Variants in EXD3 observed in about 807,000 individuals in gnomAD.
EXD3 encodes exonuclease 3'-5' domain containing 3.
EXD3 carries 92 observed loss-of-function variants against 98.0 expected under a neutral mutation model. The observed-to-expected ratio is 0.94, with a 90% CI of 0.79 to 1.12. The LOEUF (loss-of-function observed/expected upper bound fraction) is 1.12, where lower values mean the gene tolerates loss of function less well. Among genes scored for constraint, EXD3 ranks in the 50% most tolerant of loss-of-function variants. EXD3 has a pLI of 0.00. For synonymous variants in EXD3, 569 were observed against 526.0 expected (o/e 1.08, Z -1.12); for missense variants, 1,222 against 1,191.6 (o/e 1.03, Z -0.38).
In EXD3 at chr9:137,314,304, G is replaced by A. The variant is rs74328361; in HGVS notation, c.2185-4604C>T. On this transcript the variant is annotated intron_variant, in intron 19 of 21. Coordinates refer to ENST00000340951, the MANE Select transcript of EXD3 (RefSeq NM_017820.5). ...ACACTGTCCCCTGCTGTGGCACTGT[G>A]AGCCTCTTCAGAGAGAAGGGAGTTG... 7.0e-3 allele frequency among the ~76,000 whole-genome samples: 1,064 copies of A among 152,318 alleles called. 7 individuals are homozygous for A. The highest frequency in any genetic ancestry group is 0.012 in the Non-Finnish European group (821 of 68,020).
intron 7 of EXD3, among the ~76,000 whole-genome samples, chr9:137,364,752 T>C (rs1174747790): frequency 6.6e-6 from 1 of 150,494 alleles, no homozygotes; most frequent in Non-Finnish European, 1.5e-5. Context: ...CATCAATGCA[T>C]TCACTGTTTT....
Position 137,349,248 on chromosome 9 carries a change from T to C in EXD3, c.1692A>G (p.Gln564=). The change falls in exon 16 of 22, where the codon CAA becomes CAG. Residue 564 remains glutamine, a synonymous_variant. Transcript: ENST00000340951. This position sits in a 1 kb window ranked among gnomAD's most constrained non-coding sequence, Gnocchi z 7.4. ...ADAYCLLEVH[Q]ALCREPARFH... is the part of the protein sequence containing the mutation. ...AGCGGGCGGGCTCTCTGCACAGGGCTTGGTGCACCTCCAGCAGGCAGTAGG... is the reference window on the plus strand; with the variant it reads ...AGCGGGCGGGCTCTCTGCACAGGGCCTGGTGCACCTCCAGCAGGCAGTAGG... 6.4e-7 allele frequency: 1 copy of C among 1,573,888 alleles called. No homozygotes were observed. Among genetic ancestry groups the C allele is most frequent in the Non-Finnish European group, 8.6e-7 (1 of 1,166,822 alleles).
At chr9:137,372,226 GA>G (rs945839627) in intron 5 of EXD3, among the ~76,000 whole-genome samples, 75 of 152,336 alleles carry the variant, frequency 4.9e-4, no homozygotes, top group African/African-American at 1.8e-3. Context: ...TGAAGGGTTG[GA>G]TACTGATCCG....
chr9:137,402,716 C>A (rs1466536988), intron 1 of EXD3, among the ~76,000 whole-genome samples: 1 of 152,176 alleles, frequency 6.6e-6, no homozygotes, highest in Admixed American at 6.5e-5. Flanking sequence ...AGCAATACCC[C>A]ACTCCACTGG....
At chr9:137,366,761 T>G in intron 6 of EXD3, 129 bp from the exon 7 acceptor site, 1 of 1,216,564 alleles carries the variant, frequency 8.2e-7, no homozygotes, top group South Asian at 1.6e-5. Context: ...GGCCCAGCAG[T>G]GCTCGCCCGG....
intron 1 of EXD3, among the ~76,000 whole-genome samples, chr9:137,400,029 CAAAA>C (rs36029399): frequency 2.7e-5 from 2 of 73,324 alleles, no homozygotes; most frequent in Admixed American, 1.4e-4. Context: ...AACTCCATCT[CAAAA>C]AAAAAAAAAA....
intron 8 of EXD3, 46 bp downstream of exon 8, chr9:137,356,222 C>A (rs189449117): frequency 1.4e-6 from 2 of 1,436,142 alleles, no homozygotes; most frequent in Admixed American, 2.0e-5. Flanking sequence ...CCACGCTTGG[C>A]GGCTCTCCCT....
At chr9:137,337,616 A>C (rs184548609) in intron 17 of EXD3, among the ~76,000 whole-genome samples, 27 of 151,560 alleles carry the variant, frequency 1.8e-4, no homozygotes, top group African/African-American at 5.8e-4. Context: ...TCGCCACTGC[A>C]CTCCAGCCTG....
chr9:137,327,076 T>G, intron 17 of EXD3, among the ~76,000 whole-genome samples: 1 of 150,394 alleles, frequency 6.6e-6, no homozygotes, highest in African/African-American at 2.5e-5. Context: ...AGGCAGAAAG[T>G]GGAACAGTGG....
At chr9:137,307,524 C>T (rs1831109763) in intron 21 of EXD3, 84 bp downstream of exon 21, 3 of 1,544,468 alleles carry the variant, frequency 1.9e-6, no homozygotes, top group South Asian at 2.4e-5. Context: ...CCGGCCGGGA[C>T]CCAAGTCCCC....
At chr9:137,375,867 A>C (rs1835873288) in intron 3 of EXD3, among the ~76,000 whole-genome samples, 1 of 152,230 alleles carries the variant, frequency 6.6e-6, no homozygotes, top group Non-Finnish European at 1.5e-5. Flanking sequence ...ACACACAAGG[A>C]AGCAAGCCAC....
At chr9:137,353,666 C>G in intron 10 of EXD3, 1 of 985,806 alleles carries the variant, frequency 1.0e-6, no homozygotes, top group Non-Finnish European at 1.2e-6. Context: ...CCCTCAGCCC[C>G]CGCTGGGAAA....
rs1837068818 is a variant in EXD3 at position 137,393,847 on chromosome 9, C to A, written c.55+1456G>T. Among the ~76,000 whole-genome samples, 1 of 152,170 alleles carries A rather than the reference C, an allele frequency of 6.6e-6. No individual in the cohort carries two copies. Among genetic ancestry groups the A allele is most frequent in the Non-Finnish European group, 1.5e-5 (1 of 67,996 alleles). On this transcript the variant is annotated intron_variant, in intron 2 of 21. Coordinates refer to ENST00000340951, the MANE Select transcript of EXD3 (RefSeq NM_017820.5). The surrounding 1 kb of genome is among the most constrained non-coding windows in gnomAD (Gnocchi z 4.6). ...GAAAAGGCAGTAAACCCACAACAAACTGAGGGCCTGCAGCCCAGGGCGAGG... is the reference window on the plus strand; with the variant it reads ...GAAAAGGCAGTAAACCCACAACAAAATGAGGGCCTGCAGCCCAGGGCGAGG...
At chr9:137,309,555 G>A in intron 20 of EXD3, 52 bp downstream of exon 20, 3 of 1,460,772 alleles carry the variant, frequency 2.1e-6, no homozygotes, top group Non-Finnish European at 1.9e-6. Flanking sequence ...ACCTCAGTAG[G>A]TCGACCCATC....
chr9:137,340,602 T>C (rs2096425055), intron 17 of EXD3, among the ~76,000 whole-genome samples: 2 of 152,142 alleles, frequency 1.3e-5, no homozygotes, highest in Admixed American at 1.3e-4. Flanking sequence ...CATGGCTCAC[T>C]GTGTAGCCTC....
chr9:137,373,673 A>C, intron 3 of EXD3, 74 bp from the exon 4 acceptor site: 1 of 1,436,024 alleles, frequency 7.0e-7, no homozygotes, highest in Non-Finnish European at 9.3e-7. Context: ...CCCACCGCAG[A>C]GAGGTTTTTT....
At chr9:137,422,872 G>C (rs574298544) in intron 1 of EXD3, among the ~76,000 whole-genome samples, 1 of 152,060 alleles carries the variant, frequency 6.6e-6, no homozygotes, top group Admixed American at 6.5e-5. Flanking sequence ...GGGGTCGCCG[G>C]GGTCGGCTCA....
chr9:137,386,476 C>G (rs769068388), intron 2 of EXD3, among the ~76,000 whole-genome samples: 1 of 152,084 alleles, frequency 6.6e-6, no homozygotes, highest in South Asian at 2.1e-4. Context: ...GGTCTGCCCC[C>G]TCCCACCGAC....
At chr9:137,391,391 G>A (rs1836900126) in intron 2 of EXD3, among the ~76,000 whole-genome samples, 2 of 152,236 alleles carry the variant, frequency 1.3e-5, no homozygotes, top group Non-Finnish European at 2.9e-5. Context: ...CACCTCAGCA[G>A]GCCCAAGCTG....
Sources: gnomAD v4.1 joint callset for allele counts (sites outside exome capture counted in the v4.1 genomes callset) on GRCh38, gnomAD v4.1.1 for gene constraint, Gnocchi (gnomAD v3.1) non-coding constraint, MANE v1.5 for transcripts, NCBI Gene and HGNC (gene_info 2026-07-23, HGNC 2026-07-21) for gene names.